LRP1B: variants seen among roughly 807,000 people sequenced by gnomAD.
The protein encoded by LRP1B is LDL receptor related protein 1B.
A neutral mutation model predicts 556.6 loss-of-function variants in LRP1B; 217 were observed. The observed-to-expected ratio is 0.39, with a 90% CI of 0.35 to 0.44. The LOEUF (loss-of-function observed/expected upper bound fraction) is 0.44, where lower values mean the gene tolerates loss of function less well. Ranked by LOEUF, LRP1B falls within the 20% of genes least tolerant of loss-of-function variation. The pLI, the probability that LRP1B is intolerant of heterozygous loss-of-function variation, is 1.00. For synonymous variants in LRP1B, 2,047 were observed against 1,865.8 expected (o/e 1.10, Z -2.50); for missense variants, 5,053 against 5,620.8 (o/e 0.90, Z 3.23).
chr2:140,432,722 T>C (rs1274541377), intron 66 of LRP1B, among the ~76,000 whole-genome samples: 1 of 152,202 alleles, frequency 6.6e-6, no homozygotes, highest in Non-Finnish European at 1.5e-5. Flanking sequence ...CCATCATCTA[T>C]GGACAATTTT....
intron 6 of LRP1B, among the ~76,000 whole-genome samples, chr2:141,215,218 C>T (rs749428464): frequency 1.3e-5 from 2 of 152,110 alleles, no homozygotes; most frequent in Admixed American, 6.5e-5. Context: ...GACACCTGCT[C>T]CTCCTTCAAC....
chr2:140,292,103 G>A (rs564699313), intron 84 of LRP1B, among the ~76,000 whole-genome samples: 7 of 152,212 alleles, frequency 4.6e-5, no homozygotes, highest in African/African-American at 1.7e-4. Flanking sequence ...CTGCATAAAT[G>A]TCGGAGAAGC....
At chr2:141,694,813 C>A (rs945855942) in intron 2 of LRP1B, among the ~76,000 whole-genome samples, 1 of 152,014 alleles carries the variant, frequency 6.6e-6, no homozygotes, top group African/African-American at 2.4e-5. Flanking sequence ...ATTTTCTAGA[C>A]CTCTTATTCC....
intron 2 of LRP1B, among the ~76,000 whole-genome samples, chr2:141,612,780 A>G (rs1249808380): frequency 6.6e-6 from 1 of 152,120 alleles, no homozygotes; most frequent in Non-Finnish European, 1.5e-5. Flanking sequence ...AATAGTGAGA[A>G]GGTTATAAAG....
intron 1 of LRP1B, among the ~76,000 whole-genome samples, chr2:141,951,071 G>C (rs1331069832): frequency 6.6e-6 from 1 of 152,048 alleles, no homozygotes; most frequent in Non-Finnish European, 1.5e-5. Flanking sequence ...ATCACCTCTG[G>C]AAATGTTTTT....
chr2:141,824,199 T>G (rs1471571600), intron 1 of LRP1B, among the ~76,000 whole-genome samples: 1 of 152,212 alleles, frequency 6.6e-6, no homozygotes, highest in African/African-American at 2.4e-5. Context: ...ATGTGCCACA[T>G]GCTAAATTAA....
chr2:141,736,729 T>C (rs148332582), intron 2 of LRP1B, among the ~76,000 whole-genome samples: 1 of 152,246 alleles, frequency 6.6e-6, no homozygotes, highest in East Asian at 1.9e-4. Flanking sequence ...TCTTTGAACT[T>C]TGAACTTCCC....
chr2:141,392,523 A>G (rs1237778157), intron 3 of LRP1B, among the ~76,000 whole-genome samples: 1 of 150,754 alleles, frequency 6.6e-6, no homozygotes, highest in Admixed American at 6.6e-5. Context: ...TGGGGCAGGA[A>G]AAAGGGGGAG....
intron 3 of LRP1B, among the ~76,000 whole-genome samples, chr2:141,420,672 T>TTACATCCA (rs533656122): frequency 1.0e-3 from 152 of 152,252 alleles, no homozygotes; most frequent in Middle Eastern, 3.4e-3. Context: ...AGATAGAACA[T>TTACATCCA]TACATCCATA....
intron 1 of LRP1B, among the ~76,000 whole-genome samples, chr2:141,852,370 G>A: frequency 6.6e-6 from 1 of 151,690 alleles, no homozygotes; most frequent in East Asian, 1.9e-4. Flanking sequence ...GCAGGATAAA[G>A]TGATCTTTCT....
intron 32 of LRP1B, among the ~76,000 whole-genome samples, chr2:140,805,259 T>C (rs973616912): frequency 1.3e-5 from 2 of 152,164 alleles, no homozygotes; most frequent in Non-Finnish European, 2.9e-5. Context: ...GTCAATAGTA[T>C]AATATATTAA....
chr2:140,288,047 A>C (rs1683224459), intron 84 of LRP1B, among the ~76,000 whole-genome samples: 2 of 151,592 alleles, frequency 1.3e-5, no homozygotes, highest in African/African-American at 4.8e-5. Context: ...TATATTCTTT[A>C]TTTGATGATA....
At chr2:140,428,586 T>G (rs898575733) in intron 66 of LRP1B, among the ~76,000 whole-genome samples, 1 of 152,164 alleles carries the variant, frequency 6.6e-6, no homozygotes, top group African/African-American at 2.4e-5. Flanking sequence ...CCTTCCCAGA[T>G]CTTCTCGGCT....
At chr2:142,017,876 G>A (rs1703200922) in intron 1 of LRP1B, among the ~76,000 whole-genome samples, 1 of 151,692 alleles carries the variant, frequency 6.6e-6, no homozygotes, top group South Asian at 2.1e-4. Context: ...GCGAGACCTT[G>A]TCTCAAAAAA....
At chr2:140,582,604 G>C (rs1430369355) in intron 43 of LRP1B, among the ~76,000 whole-genome samples, 1 of 152,112 alleles carries the variant, frequency 6.6e-6, no homozygotes. Context: ...CCGCTCTGCT[G>C]CCATGCGAGG....
rs942365821 is a variant in LRP1B, at chr2:141,701,539, G to A, written c.205+108740C>T. 2.6e-5 allele frequency among the ~76,000 whole-genome samples: 4 copies of A among 151,786 alleles called. 1 individual carries two copies. In the Admixed American group the frequency reaches 2.6e-4, roughly 10 times the overall value. On this transcript the variant is annotated intron_variant, in intron 2 of 90. Transcript: ENST00000389484. ...TGACGCCATTACTTATAATCTAGAT[G>A]TCCTTGGGAAAGCACAAGAAACAAG...
intron 2 of LRP1B, among the ~76,000 whole-genome samples, chr2:141,633,352 T>C (rs1688981659): frequency 6.6e-6 from 1 of 152,114 alleles, no homozygotes; most frequent in African/African-American, 2.4e-5. Flanking sequence ...AACATGTATA[T>C]GGATATGGAA....
At chr2:140,434,728 C>T (rs1444725217) in intron 66 of LRP1B, among the ~76,000 whole-genome samples, 1 of 152,154 alleles carries the variant, frequency 6.6e-6, no homozygotes, top group Non-Finnish European at 1.5e-5. Flanking sequence ...GAATCATCAA[C>T]TATACCCCTC....
chr2:140,815,979 C>A (rs1230498339), intron 31 of LRP1B, among the ~76,000 whole-genome samples: 1 of 150,730 alleles, frequency 6.6e-6, no homozygotes, highest in Non-Finnish European at 1.5e-5. Flanking sequence ...ATTTTGCTGT[C>A]TAGCATGATG....
Sources: allele counts gnomAD v4.1 joint callset (sites outside exome capture counted in the v4.1 genomes callset), GRCh38; gene constraint gnomAD v4.1.1; transcripts MANE v1.5; gene names NCBI Gene and HGNC (gene_info 2026-07-23, HGNC 2026-07-21).